The following MDC1 variants were observed in gnomAD, a reference collection of about 807,000 sequenced individuals.
MDC1 encodes mediator of DNA damage checkpoint protein 1.
A neutral mutation model predicts 142.5 loss-of-function variants in MDC1; 81 were observed. The ratio of observed to expected loss-of-function variants is 0.57; its 90% confidence interval spans 0.47 to 0.68. The LOEUF is 0.68. MDC1 is among the 30% of genes least tolerant of loss of function. The pLI, the probability that MDC1 is intolerant of heterozygous loss-of-function variation, is 0.00. For missense variants in MDC1, 2,119 were observed against 2,547.9 expected, an observed-to-expected ratio of 0.83 and a Z score of 3.62; for synonymous variants, 797 against 968.4, an observed-to-expected ratio of 0.82 and a Z score of 3.29.
Position 30,702,823 on chromosome 6 carries a change from C to T in MDC1, c.5920G>A (p.Glu1974Lys). 6.2e-7 allele frequency: 1 copy of T among 1,613,142 alleles called. No individual in the cohort carries two copies. Among genetic ancestry groups the T allele is most frequent in the South Asian group, 1.1e-5 (1 of 91,088 alleles). Residue 1974 changes from glutamate (E) to lysine (K), a missense_variant, in exon 13 of 15, where the codon GAG (glutamate) becomes AAG (lysine). Glu to Lys is a moderately conservative substitution (Grantham distance 56, BLOSUM62 1). Coordinates refer to ENST00000376406, the MANE Select transcript of MDC1 (RefSeq NM_014641.3). ...PPDEYVVTDPEQEKNFGFSLQ... is the reference protein window; with the variant it reads ...PPDEYVVTDPKQEKNFGFSLQ... ...CTAAAGCCAAAGTTCTTCTCTTGCTCAGGGTCGGTCACCACATATTCATCC... is the reference window on the plus strand; with the variant it reads ...CTAAAGCCAAAGTTCTTCTCTTGCTTAGGGTCGGTCACCACATATTCATCC...
Position 30,713,584 on chromosome 6 carries a change from G to A in MDC1, c.587+64C>T. 1 of 1,502,854 alleles carries A rather than the reference G, an allele frequency of 6.7e-7. No individual in the cohort carries two copies. The highest frequency in any genetic ancestry group is 1.2e-5 in the South Asian group (1 of 85,472). The allele number at this position is 1,502,854 out of a possible 1,614,324, so 93.1% of individuals were successfully genotyped here. ...ATGATAATCATCTCTTTTAGAGATTGATCCTCCAGCCCCTGGTTCTTCCTC... is the reference window on the plus strand; with the variant it reads ...ATGATAATCATCTCTTTTAGAGATTAATCCTCCAGCCCCTGGTTCTTCCTC... On this transcript the variant is annotated intron_variant, in intron 4 of 14. Transcript: ENST00000376406. This position sits in a 1 kb window ranked among gnomAD's most constrained non-coding sequence, Gnocchi z 4.9.
rs1489443242 is a variant in MDC1, at chr6:30,715,395, G to A, written c.-3-217C>T. 6.6e-6 allele frequency among the ~76,000 whole-genome samples: 1 copy of A among 152,136 alleles called. No individual in the cohort carries two copies. Among genetic ancestry groups the A allele is most frequent in the African/African-American group, 2.4e-5 (1 of 41,430 alleles). On this transcript the variant is annotated intron_variant, in intron 1 of 14. Coordinates refer to ENST00000376406, the MANE Select transcript of MDC1 (RefSeq NM_014641.3). The surrounding 1 kb of genome is among the most constrained non-coding windows in gnomAD (Gnocchi z 4.1). ...TCTGCTCCCCAGGCTGGCATGCAGTGGTAAGATCTTGGGCCCACGGCAACC... is the reference window on the plus strand; with the variant it reads ...TCTGCTCCCCAGGCTGGCATGCAGTAGTAAGATCTTGGGCCCACGGCAACC...
rs778345189 is a variant in MDC1 at position 30,707,903 on chromosome 6, T to C, written c.2676A>G (p.Val892=). The stretch of plus-strand genomic sequence containing the variant: ...GTATTTCCTCAGATGTCTCAATTTC[T>C]ACCTTCAAACTCTCCCTATCTCTTT... The part of the protein sequence containing the change: ...SPERDRESLK[V]EIETSEEIQE... The change falls in exon 8 of 15, where the codon GTA becomes GTG. Residue 892 remains valine, a synonymous_variant. Coordinates refer to ENST00000376406, the MANE Select transcript of MDC1 (RefSeq NM_014641.3). 2.5e-5 allele frequency: 41 copies of C among 1,613,008 alleles called. No homozygotes were observed. In the African/African-American group the frequency reaches 5.2e-4, roughly 20 times the overall value.
Position 30,703,585 on chromosome 6 carries a change from T to C in MDC1, c.5562+36A>G, listed in dbSNP as rs202097349. The C allele has an allele frequency of 6.2e-7, 1 of 1,611,866 alleles. No individual in the cohort carries two copies. Among genetic ancestry groups the C allele is most frequent in the African/African-American group, 1.3e-5 (1 of 74,910 alleles). ...TGGGAGTTTCAGAGCCCTGAAGTCA[T>C]TTTTCCCAGCTTTGTGGTCCCAACC... On this transcript the variant is annotated intron_variant, in intron 10 of 14. Transcript: ENST00000376406. This position sits in a 1 kb window ranked among gnomAD's most constrained non-coding sequence, Gnocchi z 4.4.
Position 30,708,208 on chromosome 6 carries a change from G to A in MDC1, c.2371C>T (p.Pro791Ser), listed in dbSNP as rs772850764. Residue 791 changes from proline (P) to serine (S), a missense_variant, in exon 8 of 15, where the codon CCA (proline) becomes TCA (serine). Pro to Ser is a moderately conservative substitution (Grantham distance 74). Coordinates refer to ENST00000376406, the MANE Select transcript of MDC1 (RefSeq NM_014641.3). ...GGCTCTGTGTGAACTGGGCTCTCTG[G>A]ATGTTGGTCTCCTGGTATTGCCCTA... ...PPRAIPGDQH[P>S]ESPVHTEPMG... The A allele has an allele frequency of 6.2e-7, 1 of 1,613,010 alleles. No individual in the cohort carries two copies. The highest frequency in any genetic ancestry group is 8.5e-7 in the Non-Finnish European group (1 of 1,180,036).
In MDC1 at chr6:30,704,730, T is replaced by C. The variant is rs1189727569; in HGVS notation, c.4453A>G (p.Thr1485Ala). The C allele has an allele frequency of 6.2e-7, 1 of 1,609,114 alleles. No homozygotes were observed. Among genetic ancestry groups the C allele is most frequent in the African/African-American group, 1.4e-5 (1 of 73,154 alleles). The change falls in exon 10 of 15, where the codon ACT becomes GCT. Residue 1485 changes from threonine to alanine, a missense_variant. Coordinates refer to ENST00000376406, the MANE Select transcript of MDC1 (RefSeq NM_014641.3). Reference sequence around the variant, plus strand: ...GCTGTGGGGACAACTGTTTCAGGAGTCTTGACAGAGGATCTATCTGTTCTT... The same window carrying C: ...GCTGTGGGGACAACTGTTTCAGGAGCCTTGACAGAGGATCTATCTGTTCTT... The part of the protein sequence containing the change: ...RGRTDRSSVK[T>A]PETVVPTAPE...
chr6:30,714,056 G>A lies in MDC1; in HGVS notation c.264C>T (p.Ile88=). 1 of 1,612,988 alleles carries A rather than the reference G, an allele frequency of 6.2e-7. No homozygotes were observed. The highest frequency in any genetic ancestry group is 8.5e-7 in the Non-Finnish European group (1 of 1,180,028). The change falls in exon 3 of 15, where the codon ATC becomes ATT. Residue 88 remains isoleucine (I), a synonymous_variant. Transcript: ENST00000376406. ...CATTAAGGCTCCCACAGTCTCGGAG[G>A]ATAGGTGCCTTGTCCCAGGCTAAGA... ...IEILAWDKAP[I]LRDCGSLNGT...
At position 30,712,843 on chromosome 6, in the gene MDC1, C is replaced by G; in HGVS notation, c.1099G>C (p.Ala367Pro). ...GTRGPGAPGL[A>P]HLQESQAGSD... ...CCAGCCTGGCTCTCCTGCAGATGGG[C>G]CAGGCCTGGTGCTCCAGGACCCCTT... Residue 367 changes from alanine (A) to proline (P), a missense_variant, in exon 5 of 15, where the codon GCC (alanine) becomes CCC (proline). By Grantham distance (27) the Ala-to-Pro change is conservative. Transcript: ENST00000376406. This position sits in a 1 kb window ranked among gnomAD's most constrained non-coding sequence, Gnocchi z 4.7. 6.2e-7 allele frequency: 1 copy of G among 1,613,040 alleles called. No homozygotes were observed. The highest frequency in any genetic ancestry group is 2.2e-5 in the East Asian group (1 of 44,894).
Position 30,716,039 on chromosome 6 carries a change from C to T in MDC1, c.-3-861G>A. 6.6e-6 allele frequency among the ~76,000 whole-genome samples: 1 copy of T among 152,160 alleles called. No individual in the cohort carries two copies. The highest frequency in any genetic ancestry group is 2.4e-5 in the African/African-American group (1 of 41,420). ...ACCCTCCATGATCTGAACTTCACAT[C>T]TTGTAACGCCTACCCCTCGCCCGCA... On this transcript the variant is annotated intron_variant, in intron 1 of 14. Transcript: ENST00000376406. The surrounding 1 kb of genome is among the most constrained non-coding windows in gnomAD (Gnocchi z 4.4).
chr6:30,705,803 G>A lies in MDC1; in HGVS notation c.3380C>T (p.Pro1127Leu), dbSNP rs749393075. ...PFPATSAAPE[P>L]HPSTSTAQPV... is the part of the protein sequence containing the mutation. ...CTGGGCTGTGGAGGTGGAAGGGTGGGGCTCAGGGGCAGCAGAGGTAGCTGG... is the reference window on the plus strand; with the variant it reads ...CTGGGCTGTGGAGGTGGAAGGGTGGAGCTCAGGGGCAGCAGAGGTAGCTGG... The change falls in exon 10 of 15, where the codon CCC becomes CTC. Residue 1127 changes from proline (P) to leucine (L), a missense_variant. Coordinates refer to ENST00000376406, the MANE Select transcript of MDC1 (RefSeq NM_014641.3). 6 of 1,612,674 alleles carry A rather than the reference G, an allele frequency of 3.7e-6. No individual in the cohort carries two copies. The Admixed American group carries it at 1.0e-4, about 27-fold the overall frequency.
intron 14 of MDC1, among the ~76,000 whole-genome samples, chr6:30,700,902 CAAAAAAAAAA>C (rs9281018): frequency 1.4e-5 from 1 of 70,596 alleles, no homozygotes; most frequent in African/African-American, 6.1e-5. Context: ...ACTAAAAATA[CAAAAAAAAAA>C]AAAAAAAAAA....
At chr6:30,707,274 G>T in intron 9 of MDC1, 110 bp downstream of exon 9, 1 of 1,222,796 alleles carries the variant, frequency 8.2e-7, no homozygotes. Context: ...AAAAATGGAA[G>T]AAAACTGAAT....
chr6:30,711,313 G>A, intron 7 of MDC1, 99 bp downstream of exon 7: 1 of 1,094,400 alleles, frequency 9.1e-7, no homozygotes. Flanking sequence ...GGAGGTTACA[G>A]TGAGCCGAGA....
chr6:30,703,439 G>T lies in MDC1; in HGVS notation c.5661C>A (p.Asn1887Lys), dbSNP rs1369190335. 5.0e-6 allele frequency: 8 copies of T among 1,613,854 alleles called. No homozygotes were observed. Among genetic ancestry groups the T allele is most frequent in the Non-Finnish European group, 6.8e-6 (8 of 1,180,050 alleles). The change falls in exon 11 of 15, where the codon AAC becomes AAA. Residue 1887 changes from asparagine to lysine, a missense_variant. Physicochemically the swap from Asn to Lys is moderately conservative, Grantham distance 94 (BLOSUM62 0). Coordinates refer to ENST00000376406, the MANE Select transcript of MDC1 (RefSeq NM_014641.3). This position sits in a 1 kb window ranked among gnomAD's most constrained non-coding sequence, Gnocchi z 4.4. ...PSRSLRRTKL[N>K]QESTAPKVLF... Reference sequence around the variant, plus strand: ...TTACTTTGGGGGCTGTTGATTCTTGGTTAAGTTTGGTCCGTCGGAGGCTGC... The same window carrying T: ...TTACTTTGGGGGCTGTTGATTCTTGTTTAAGTTTGGTCCGTCGGAGGCTGC...
At chr6:30,711,529 T>A in intron 6 of MDC1, 25 bp from the exon 7 acceptor site, 2 of 1,607,386 alleles carry the variant, frequency 1.2e-6, no homozygotes, top group Non-Finnish European at 1.7e-6. Context: ...ATGGCCTAAG[T>A]TCATCTCCTC....
At chr6:30,700,795 G>A (rs1485994198) in intron 14 of MDC1, among the ~76,000 whole-genome samples, 163 bp from the exon 15 acceptor site, 3 of 151,384 alleles carry the variant, frequency 2.0e-5, no homozygotes, top group Non-Finnish European at 4.4e-5. Flanking sequence ...TAGGCCGGGC[G>A]CAGTGGCTCA....
rs913564331 is a variant in MDC1 at position 30,716,603 on chromosome 6, G to A, written c.-4+642C>T. 1.3e-5 allele frequency among the ~76,000 whole-genome samples: 2 copies of A among 152,122 alleles called. No individual in the cohort carries two copies. Among genetic ancestry groups the A allele is most frequent in the African/African-American group, 4.8e-5 (2 of 41,426 alleles). Reference sequence around the variant, plus strand: ...TCCTGCCTGTTCCACAGTGGTCAATGGATTTGTGCTTACTCTAAGATCTCT... The same window carrying A: ...TCCTGCCTGTTCCACAGTGGTCAATAGATTTGTGCTTACTCTAAGATCTCT... On this transcript the variant is annotated intron_variant, in intron 1 of 14. Coordinates refer to ENST00000376406, the MANE Select transcript of MDC1 (RefSeq NM_014641.3). This position sits in a 1 kb window ranked among gnomAD's most constrained non-coding sequence, Gnocchi z 4.4.
At chr6:30,702,977 A>G in intron 12 of MDC1, 100 bp from the exon 13 acceptor site, 2 of 1,589,606 alleles carry the variant, frequency 1.3e-6, no homozygotes, top group South Asian at 2.3e-5. Context: ...TTTTAAATCA[A>G]TGCAGGCTTC....
intron 14 of MDC1, among the ~76,000 whole-genome samples, chr6:30,701,797 T>C (rs1772737281): frequency 6.6e-6 from 1 of 152,116 alleles, no homozygotes; most frequent in Non-Finnish European, 1.5e-5. Flanking sequence ...AATAATGGCA[T>C]TGTGATTATG....
Sources: gnomAD v4.1 joint callset for allele counts (sites outside exome capture counted in the v4.1 genomes callset) on GRCh38, gnomAD v4.1.1 for gene constraint, Gnocchi (gnomAD v3.1) non-coding constraint, MANE v1.5 for transcripts, NCBI Gene and HGNC (gene_info 2026-07-23, HGNC 2026-07-21) for gene names.